The following SHANK2 variants were observed in gnomAD, a reference collection of about 807,000 sequenced individuals.
The protein encoded by SHANK2 is SH3 and multiple ankyrin repeat domains protein 2.
A neutral mutation model predicts 133.7 loss-of-function variants in SHANK2; 43 were observed. The observed-to-expected ratio is 0.32, with a 90% CI of 0.25 to 0.41. SHANK2 has a LOEUF of 0.41. Ranked by LOEUF, SHANK2 falls within the 10% of genes least tolerant of loss-of-function variation. The pLI is 1.00. For missense variants in SHANK2, 1,994 were observed against 2,235.8 expected (o/e 0.89, Z 2.18); for synonymous variants, 1,017 against 952.8 (o/e 1.07, Z -1.24).
At chr11:71,222,530 C>G (rs1474456128) in intron 2 of SHANK2, among the ~76,000 whole-genome samples, 1 of 152,220 alleles carries the variant, frequency 6.6e-6, no homozygotes, top group Non-Finnish European at 1.5e-5. Flanking sequence ...CGAGGCCCAG[C>G]TGGCCGGACG....
chr11:70,513,483 C>T (rs1406687424), intron 17 of SHANK2, among the ~76,000 whole-genome samples: 2 of 152,214 alleles, frequency 1.3e-5, no homozygotes, highest in Non-Finnish European at 2.9e-5. Context: ...AAAACATTAA[C>T]ACCCATCAAA....
At chr11:70,602,971 CA>C (rs2060520985) in intron 17 of SHANK2, among the ~76,000 whole-genome samples, 1 of 152,236 alleles carries the variant, frequency 6.6e-6, no homozygotes, top group South Asian at 2.1e-4. Context: ...AACCCCAGAG[CA>C]TACTGCTGGC....
intron 17 of SHANK2, among the ~76,000 whole-genome samples, chr11:70,601,029 ATATC>A (rs1554990959): frequency 7.3e-6 from 1 of 136,572 alleles, no homozygotes; most frequent in Non-Finnish European, 1.7e-5. Flanking sequence ...ATCTATATCT[ATATC>A]TATATCTATA....
chr11:71,209,532 C>G (rs1555118529), intron 2 of SHANK2, among the ~76,000 whole-genome samples: 1 of 152,126 alleles, frequency 6.6e-6, no homozygotes, highest in East Asian at 1.9e-4. Flanking sequence ...CCATGGTGCC[C>G]CCTCCCACCA....
At chr11:70,701,921 TCAC>T (rs565579632) in intron 14 of SHANK2, among the ~76,000 whole-genome samples, 193 of 150,436 alleles carry the variant, frequency 1.3e-3, no homozygotes, top group Non-Finnish European at 2.0e-3. Context: ...ACCACCATCA[TCAC>T]CACCACCATC....
At chr11:71,068,217 G>A (rs1448788641) in intron 9 of SHANK2, among the ~76,000 whole-genome samples, 1 of 152,182 alleles carries the variant, frequency 6.6e-6, no homozygotes, top group East Asian at 1.9e-4. Context: ...GGAAGGGGGT[G>A]ATGTACACAA....
intron 17 of SHANK2, among the ~76,000 whole-genome samples, chr11:70,565,480 T>G (rs1309250138): frequency 6.6e-6 from 1 of 152,162 alleles, no homozygotes; most frequent in African/African-American, 2.4e-5. Flanking sequence ...ACTACTGACC[T>G]TGTGATCCAC....
rs570657739 is a variant in SHANK2 at position 71,153,778 on chromosome 11, C to T, written c.-12-6440G>A. Among the ~76,000 whole-genome samples, 10 of 152,148 alleles carry T rather than the reference C, an allele frequency of 6.6e-5. No individual in the cohort carries two copies. The East Asian group carries it at 1.4e-3, about 21-fold the overall frequency. On this transcript the variant is annotated intron_variant, in intron 2 of 25. Coordinates refer to ENST00000601538, the MANE Select transcript of SHANK2 (RefSeq NM_012309.5). ...GGTCACTCAGGAGTTTGAGACCAGC[C>T]GGTCAACATGGTAAAACCCCATCTC...
chr11:70,531,266 G>T (rs2059466167), intron 17 of SHANK2, among the ~76,000 whole-genome samples: 1 of 152,096 alleles, frequency 6.6e-6, no homozygotes, highest in Admixed American at 6.5e-5. Flanking sequence ...CATGGCCCAG[G>T]CCCAGGCGCC....
At chr11:70,775,507 T>G (rs1947343504) in intron 14 of SHANK2, among the ~76,000 whole-genome samples, 1 of 152,198 alleles carries the variant, frequency 6.6e-6, no homozygotes, top group East Asian at 1.9e-4. Flanking sequence ...AATTAACCAC[T>G]TTGAGGTATC....
intron 8 of SHANK2, among the ~76,000 whole-genome samples, chr11:71,079,121 G>A (rs1220321702): frequency 1.1e-4 from 17 of 152,350 alleles, no homozygotes; most frequent in African/African-American, 7.2e-5. Context: ...ATGTATCCCC[G>A]TGAAGGTGTG....
chr11:70,777,056 T>C (rs1484458600), intron 14 of SHANK2, among the ~76,000 whole-genome samples: 2 of 147,812 alleles, frequency 1.4e-5, no homozygotes, highest in Non-Finnish European at 3.0e-5. Flanking sequence ...CACTCATGCA[T>C]CCATCCATCC....
At chr11:70,656,897 C>A (rs2061412253) in intron 17 of SHANK2, among the ~76,000 whole-genome samples, 1 of 152,146 alleles carries the variant, frequency 6.6e-6, no homozygotes, top group African/African-American at 2.4e-5. Context: ...GAAATAAATT[C>A]TACAAGCTAA....
chr11:70,553,773 C>T (rs572961251), intron 17 of SHANK2, among the ~76,000 whole-genome samples: 1 of 152,196 alleles, frequency 6.6e-6, no homozygotes, highest in African/African-American at 2.4e-5. Context: ...TGATGATCTG[C>T]GTGACATAGG....
intron 2 of SHANK2, among the ~76,000 whole-genome samples, chr11:71,159,175 G>C (rs533924161): frequency 6.6e-6 from 1 of 152,348 alleles, no homozygotes; most frequent in South Asian, 2.1e-4. Context: ...CTAAAGCCAA[G>C]GTGTTGTCAG....
rs2058567956 is a variant in SHANK2, at chr11:70,469,153, G to A, written c.*3716C>T. 6.6e-6 allele frequency: 1 copy of A among 152,174 alleles called. No individual in the cohort carries two copies. The highest frequency in any genetic ancestry group is 2.4e-5 in the African/African-American group (1 of 41,440). 9.4% of individuals were successfully genotyped at this position (152,174 alleles called of 1,614,324 possible). ...AGGAAAAGCCGAGCCTCAGCTCCAC[G>A]CCTATAGCAGCGGTCACAGAAGCAG... is the stretch of plus-strand genomic sequence containing the variant. On this transcript the variant is annotated 3_prime_UTR_variant, in exon 26 of 26. Coordinates refer to ENST00000601538, the MANE Select transcript of SHANK2 (RefSeq NM_012309.5).
chr11:70,582,881 G>A (rs1448264214), intron 17 of SHANK2, among the ~76,000 whole-genome samples: 1 of 152,188 alleles, frequency 6.6e-6, no homozygotes, highest in Non-Finnish European at 1.5e-5. Flanking sequence ...GGTGGGGTGT[G>A]CGTGTCTGAT....
At chr11:70,930,213 C>T (rs1764727327) in intron 10 of SHANK2, among the ~76,000 whole-genome samples, 1 of 152,182 alleles carries the variant, frequency 6.6e-6, no homozygotes. Flanking sequence ...ATCAGAAAGT[C>T]CTGCCTTCTG....
At chr11:70,665,765 G>T (rs1332925811) in intron 15 of SHANK2, among the ~76,000 whole-genome samples, 1 of 152,196 alleles carries the variant, frequency 6.6e-6, no homozygotes, top group Non-Finnish European at 1.5e-5. Flanking sequence ...AGTTTTAGGA[G>T]GAGCAAGTGA....
Sources: allele counts gnomAD v4.1 joint callset (sites outside exome capture counted in the v4.1 genomes callset), GRCh38; gene constraint gnomAD v4.1.1; transcripts MANE v1.5; gene names NCBI Gene and HGNC (gene_info 2026-07-23, HGNC 2026-07-21).